SPATA17: variants seen among roughly 807,000 people sequenced by gnomAD.
SPATA17 encodes spermatogenesis-associated protein 17.
Under a neutral mutation model 62.2 loss-of-function variants are expected in SPATA17, and 53 were observed. That is an observed-to-expected ratio of 0.85 (90% CI 0.68 to 1.07). SPATA17 has a LOEUF of 1.07. Among genes scored for constraint, SPATA17 ranks in the 50% least tolerant of loss-of-function variants. The probability of loss-of-function intolerance (pLI) is 0.00; values close to 1 mark genes in which losing one functional copy is unlikely to be tolerated. For synonymous variants in SPATA17, 146 were observed against 146.8 expected (o/e 0.99, Z 0.04); for missense variants, 466 against 425.5 (o/e 1.10, Z -0.84).
chr1:217,709,271 A>T (rs1034530330), intron 5 of SPATA17, among the ~76,000 whole-genome samples: 3 of 152,186 alleles, frequency 2.0e-5, no homozygotes, highest in African/African-American at 7.2e-5. Flanking sequence ...TAGTTTTCTT[A>T]ATCAGGAATC....
chr1:217,658,896 A>G, intron 3 of SPATA17, among the ~76,000 whole-genome samples: 1 of 152,138 alleles, frequency 6.6e-6, no homozygotes, highest in East Asian at 1.9e-4. Context: ...CAACTGCTTC[A>G]TTTCTTTCCC....
rs959635696 is a variant in SPATA17 at position 217,646,136 on chromosome 1, C to T, written c.69-2746C>T. The stretch of plus-strand genomic sequence containing the variant: ...TGAAAACCAAGGCCTTTTGCCTTGG[C>T]TTCAACTATTAATCTCCTCATTTCC... On this transcript the variant is annotated intron_variant, in intron 1 of 10. Coordinates refer to ENST00000366933, the MANE Select transcript of SPATA17 (RefSeq NM_138796.4). 1.8e-4 allele frequency among the ~76,000 whole-genome samples: 28 copies of T among 152,048 alleles called. 1 individual carries two copies. Among genetic ancestry groups the T allele is most frequent in the Admixed American group, 1.5e-3 (23 of 15,246 alleles).
intron 7 of SPATA17, among the ~76,000 whole-genome samples, 195 bp downstream of exon 7, chr1:217,774,732 C>T (rs943072622): frequency 1.8e-4 from 27 of 152,200 alleles, no homozygotes; most frequent in Non-Finnish European, 2.9e-5. Flanking sequence ...ACCCACTAAA[C>T]AACTCTCCAT....
intron 4 of SPATA17, among the ~76,000 whole-genome samples, chr1:217,681,025 G>A (rs569320995): frequency 5.4e-5 from 8 of 147,598 alleles, no homozygotes; most frequent in Admixed American, 1.4e-4. Flanking sequence ...TCAAGAGATC[G>A]AGACCATCCT....
chr1:217,812,672 C>T (rs1180582019), intron 9 of SPATA17, among the ~76,000 whole-genome samples: 1 of 152,032 alleles, frequency 6.6e-6, no homozygotes. Context: ...GAGAATCTAC[C>T]CGTCAGTCAT....
intron 5 of SPATA17, among the ~76,000 whole-genome samples, chr1:217,735,625 G>A (rs769692072): frequency 5.9e-5 from 9 of 152,218 alleles, no homozygotes; most frequent in Non-Finnish European, 1.2e-4. Context: ...ATATTAAAGA[G>A]AAATAAAGGA....
intron 9 of SPATA17, among the ~76,000 whole-genome samples, chr1:217,804,186 G>A (rs2102988937): frequency 6.6e-6 from 1 of 152,160 alleles, no homozygotes; most frequent in African/African-American, 2.4e-5. Context: ...ATACAACATG[G>A]TCCTAGCATA....
chr1:217,796,653 G>A (rs1050301957), intron 8 of SPATA17, among the ~76,000 whole-genome samples: 1 of 152,062 alleles, frequency 6.6e-6, no homozygotes, highest in Non-Finnish European at 1.5e-5. Flanking sequence ...TGTATTAAGC[G>A]CTTATAGCTA....
At chr1:217,760,429 G>T (rs758038110) in intron 6 of SPATA17, among the ~76,000 whole-genome samples, 8 of 152,074 alleles carry the variant, frequency 5.3e-5, no homozygotes, top group Non-Finnish European at 8.8e-5. Flanking sequence ...ATATCTAATA[G>T]ATACTTTAAT....
At chr1:217,777,227 CT>C (rs899486726) in intron 7 of SPATA17, among the ~76,000 whole-genome samples, 51 of 151,370 alleles carry the variant, frequency 3.4e-4, no homozygotes, top group South Asian at 1.0e-3. Context: ...TTATTTGTAT[CT>C]TTTTTTTTAC....
In SPATA17 at chr1:217,648,983, T is replaced by C. The variant is rs1005717409; in HGVS notation, c.158+12T>C. ...CGGGCATATATCAGGTATATTGCTTTTGTCATGGAAACCTCAGATATATCA... is the reference window on the plus strand; with the variant it reads ...CGGGCATATATCAGGTATATTGCTTCTGTCATGGAAACCTCAGATATATCA... On this transcript the variant is annotated intron_variant, in intron 2 of 10. Coordinates refer to ENST00000366933, the MANE Select transcript of SPATA17 (RefSeq NM_138796.4). 5.7e-6 allele frequency: 9 copies of C among 1,578,784 alleles called. No individual in the cohort carries two copies. In the African/African-American group the frequency reaches 1.2e-4, roughly 21 times the overall value.
intron 5 of SPATA17, among the ~76,000 whole-genome samples, chr1:217,702,888 T>C (rs1394309079): frequency 2.7e-5 from 4 of 147,008 alleles, no homozygotes; most frequent in East Asian, 2.0e-4. Context: ...ATTTCATTAC[T>C]TTTTTTTTTT....
At chr1:217,753,339 G>A (rs533843335) in intron 6 of SPATA17, among the ~76,000 whole-genome samples, 11 of 152,058 alleles carry the variant, frequency 7.2e-5, no homozygotes, top group Non-Finnish European at 1.5e-4. Flanking sequence ...TTGTTTCAAT[G>A]TGCTATACAT....
At chr1:217,652,094 G>T (rs1456082048) in intron 3 of SPATA17, among the ~76,000 whole-genome samples, 2 of 152,206 alleles carry the variant, frequency 1.3e-5, no homozygotes, top group Admixed American at 6.5e-5. Context: ...AAAGCATGGT[G>T]CCTGGCATAT....
chr1:217,731,699 TTAGAG>T (rs1672405404), intron 5 of SPATA17, among the ~76,000 whole-genome samples: 1 of 152,136 alleles, frequency 6.6e-6, no homozygotes, highest in Admixed American at 6.6e-5. Flanking sequence ...GGATTACATT[TTAGAG>T]TATATTCTTG....
chr1:217,661,775 A>G (rs1163310854), intron 3 of SPATA17, among the ~76,000 whole-genome samples: 3 of 152,042 alleles, frequency 2.0e-5, no homozygotes, highest in Non-Finnish European at 4.4e-5. Flanking sequence ...TTGGTAACAA[A>G]CTTATTGTCA....
intron 5 of SPATA17, among the ~76,000 whole-genome samples, chr1:217,732,366 G>A (rs1269332300): frequency 6.6e-6 from 1 of 152,170 alleles, no homozygotes; most frequent in Non-Finnish European, 1.5e-5. Flanking sequence ...TCTGTGTTTA[G>A]TGGATTGCAT....
chr1:217,703,633 G>T lies in SPATA17; in HGVS notation c.395+20272G>T, dbSNP rs58202141. Among the ~76,000 whole-genome samples, 415 of 152,084 alleles carry T rather than the reference G, an allele frequency of 2.7e-3. 2 individuals are homozygous for T. The highest frequency in any genetic ancestry group is 9.5e-3 in the African/African-American group (394 of 41,502). On this transcript the variant is annotated intron_variant, in intron 5 of 10. Coordinates refer to ENST00000366933, the MANE Select transcript of SPATA17 (RefSeq NM_138796.4). ...TGTATCTAAGAATTTAAAAAATATG[G>T]ACTGTTTTCTATCTGATGAGCTGCC...
chr1:217,651,566 A>C (rs1670313850), intron 3 of SPATA17, among the ~76,000 whole-genome samples: 1 of 152,236 alleles, frequency 6.6e-6, no homozygotes, highest in Non-Finnish European at 1.5e-5. Context: ...CAGTCAAAAA[A>C]TATCCTCATA....
Sources: allele counts gnomAD v4.1 joint callset (sites outside exome capture counted in the v4.1 genomes callset), GRCh38; gene constraint gnomAD v4.1.1; transcripts MANE v1.5; gene names NCBI Gene and HGNC (gene_info 2026-07-23, HGNC 2026-07-21).